The following RASAL1 variants were observed in gnomAD, a reference collection of about 807,000 sequenced individuals.
The protein encoded by RASAL1 is RAS protein activator like 1.
A neutral mutation model predicts 96.6 loss-of-function variants in RASAL1; 72 were observed. That is an observed-to-expected ratio of 0.75 (90% CI 0.62 to 0.91). The LOEUF is 0.91. RASAL1 is among the 40% of genes least tolerant of loss of function. RASAL1 has a pLI of 0.00. For synonymous variants in RASAL1, 405 were observed against 430.4 expected (o/e 0.94, Z 0.73); for missense variants, 1,016 against 1,072.5 (o/e 0.95, Z 0.74).
rs556416383 is a variant in RASAL1 at position 113,115,957 on chromosome 12, C to A, written c.826G>T (p.Glu276Ter). The change falls in exon 9 of 21, where the codon GAG becomes TAG. Residue 276 changes from glutamate (E) to a stop codon, truncating the protein, a stop_gained. Coordinates refer to ENST00000548055, the MANE Select transcript of RASAL1 (RefSeq NM_001301202.2). LOFTEE classifies it high-confidence loss of function. The surrounding 1 kb of genome is among the most constrained non-coding windows in gnomAD (Gnocchi z 4.1). ...CYQPLMELLM[E>*]SVQGPAEEDT... ...ACCTCTGCTGGCCCCTGCACAGACT[C>A]CATGAGCAGCTCCATGAGAGGCTGG... The A allele has an allele frequency of 5.6e-6, 9 of 1,607,530 alleles. No homozygotes were observed. Among genetic ancestry groups the A allele is most frequent in the Middle Eastern group, 3.3e-4 (2 of 6,030 alleles).
intron 4 of RASAL1, among the ~76,000 whole-genome samples, chr12:113,123,274 T>A (rs1312376845): frequency 2.0e-5 from 3 of 152,252 alleles, no homozygotes; most frequent in African/African-American, 7.2e-5. Flanking sequence ...TGCTGACTAT[T>A]GCCCATGGTG....
At chr12:113,107,026 A>G in intron 15 of RASAL1, 71 bp downstream of exon 15, 1 of 1,472,718 alleles carries the variant, frequency 6.8e-7, no homozygotes, top group South Asian at 1.3e-5. Flanking sequence ...CTGGAGGGGG[A>G]AAGGGGAAGT....
rs1487918389 is a variant in RASAL1 at position 113,114,827 on chromosome 12, G to A, written c.1154C>T (p.Pro385Leu). 4.3e-6 allele frequency: 7 copies of A among 1,613,994 alleles called. No homozygotes were observed. The highest frequency in any genetic ancestry group is 5.1e-6 in the Non-Finnish European group (6 of 1,179,982). Residue 385 changes from proline (P) to leucine (L), a missense_variant, in exon 12 of 21, where the codon CCC (proline) becomes CTC (leucine). Pro to Leu is a moderately conservative substitution (Grantham distance 98). Transcript: ENST00000548055. ...GGTGCGGCCCAGGTCCATCTTGCAGGGATCCAGCTCCATGTACTTCTTCTC... is the reference window on the plus strand; with the variant it reads ...GGTGCGGCCCAGGTCCATCTTGCAGAGATCCAGCTCCATGTACTTCTTCTC... ...FEEKKYMELDPCKMDLGRTRR... is the reference protein window; with the variant it reads ...FEEKKYMELDLCKMDLGRTRR...
chr12:113,124,416 C>T (rs1220736186), intron 4 of RASAL1, among the ~76,000 whole-genome samples: 1 of 152,150 alleles, frequency 6.6e-6, no homozygotes, highest in African/African-American at 2.4e-5. Flanking sequence ...CTTGCAGACA[C>T]ATGGACACGT....
rs1951564481 is a variant in RASAL1, at chr12:113,128,195, A to G, written c.123-17T>C. 1.3e-6 allele frequency: 2 copies of G among 1,586,956 alleles called. No homozygotes were observed. Among genetic ancestry groups the G allele is most frequent in the South Asian group, 1.1e-5 (1 of 90,496 alleles). The stretch of plus-strand genomic sequence containing the variant: ...GTAGCTGTCCTGCAAAAGGAGGTGC[A>G]GGGGGCTGGGGTCCTCGGGCCACAC... On this transcript the variant is annotated splice_polypyrimidine_tract_variant and intron_variant, in intron 2 of 20. Coordinates refer to ENST00000548055, the MANE Select transcript of RASAL1 (RefSeq NM_001301202.2).
chr12:113,104,034 G>T lies in RASAL1; in HGVS notation c.2016C>A (p.Ser672Arg), dbSNP rs538274111. The T allele has an allele frequency of 8.3e-6, 13 of 1,572,888 alleles. No homozygotes were observed. The highest frequency in any genetic ancestry group is 1.1e-5 in the Non-Finnish European group (13 of 1,157,332). ...CGGCCAGCTTGTTCGGGTTGGGGGCGCTGGCCTTGCGCAAGGCCGAGAGCC... is the reference window on the plus strand; with the variant it reads ...CGGCCAGCTTGTTCGGGTTGGGGGCTCTGGCCTTGCGCAAGGCCGAGAGCC... ...NQWLSALRKA[S>R]APNPNKLAAC... Residue 672 changes from serine (S) to arginine (R), a missense_variant, in exon 18 of 21, where the codon AGC becomes AGA. Ser to Arg is a moderately radical substitution (Grantham distance 110). Coordinates refer to ENST00000548055, the MANE Select transcript of RASAL1 (RefSeq NM_001301202.2).
In RASAL1 at chr12:113,099,799, G is replaced by T; in HGVS notation, c.*130C>A. On this transcript the variant is annotated 3_prime_UTR_variant, in exon 21 of 21. Transcript: ENST00000548055. Reference sequence around the variant, plus strand: ...CTGGACTCAAGGCACACAGGACTAGGCACGTCTCTGGGAGCCTCCAAACCA... The same window carrying T: ...CTGGACTCAAGGCACACAGGACTAGTCACGTCTCTGGGAGCCTCCAAACCA... The T allele has an allele frequency of 7.5e-7, 1 of 1,329,392 alleles. No individual in the cohort carries two copies. Among genetic ancestry groups the T allele is most frequent in the Non-Finnish European group, 1.0e-6 (1 of 971,584 alleles). 82.3% of individuals were successfully genotyped at this position (1,329,392 alleles called of 1,614,324 possible).
In RASAL1 at chr12:113,100,063, A is replaced by G; in HGVS notation, c.2284T>C (p.Cys762Arg). The G allele has an allele frequency of 4.4e-6, 7 of 1,604,380 alleles. No individual in the cohort carries two copies. The highest frequency in any genetic ancestry group is 6.0e-6 in the Non-Finnish European group (7 of 1,174,698). ...CTTTGCCGGGCCAGGACCTCAGGACAGGCCCCTAGGAGGGAGACAAGAGGC... is the reference window on the plus strand; with the variant it reads ...CTTTGCCGGGCCAGGACCTCAGGACGGGCCCCTAGGAGGGAGACAAGAGGC... ...DTTLEADTGA[C>R]PEVLARQRAA... Residue 762 changes from cysteine (C) to arginine (R), a missense_variant, in exon 21 of 21, where the codon TGT becomes CGT. Cys to Arg is a radical substitution (Grantham distance 180). Coordinates refer to ENST00000548055, the MANE Select transcript of RASAL1 (RefSeq NM_001301202.2).
chr12:113,109,531 G>T (rs780294343), intron 13 of RASAL1, among the ~76,000 whole-genome samples: 16 of 152,138 alleles, frequency 1.1e-4, no homozygotes, highest in Non-Finnish European at 1.9e-4. Flanking sequence ...CTCAGGGAAG[G>T]GTGCCCCTCC....
chr12:113,126,279 C>T (rs769143939), intron 4 of RASAL1, among the ~76,000 whole-genome samples: 6 of 151,630 alleles, frequency 4.0e-5, no homozygotes, highest in Non-Finnish European at 7.4e-5. Context: ...AGCAAGACTC[C>T]GTCTCAAAAA....
chr12:113,105,968 G>A (rs1950631764), intron 15 of RASAL1, 82 bp from the exon 16 acceptor site: 2 of 1,402,468 alleles, frequency 1.4e-6, no homozygotes, highest in Non-Finnish European at 1.9e-6. Flanking sequence ...GCCCAGGGAG[G>A]ACCTCAGTGG....
chr12:113,131,068 C>A (rs1592965640), intron 1 of RASAL1, 127 bp from the exon 2 acceptor site: 1 of 656,622 alleles, frequency 1.5e-6, no homozygotes, highest in East Asian at 2.7e-5. Context: ...CAGGGTCACA[C>A]AGCAAGTCCA....
intron 12 of RASAL1, among the ~76,000 whole-genome samples, chr12:113,112,958 T>TAAAA (rs2136163141): frequency 6.6e-6 from 1 of 151,538 alleles, no homozygotes; most frequent in African/African-American, 2.4e-5. Context: ...TCTCAAAAAA[T>TAAAA]AAATAAATAA....
intron 4 of RASAL1, among the ~76,000 whole-genome samples, chr12:113,127,415 G>T (rs1951525235): frequency 1.3e-5 from 2 of 152,180 alleles, no homozygotes; most frequent in Admixed American, 1.3e-4. Flanking sequence ...GGAGGCCAAG[G>T]TGGGAGGATT....
intron 7 of RASAL1, among the ~76,000 whole-genome samples, chr12:113,117,583 C>T (rs562531888): frequency 6.6e-6 from 1 of 152,318 alleles, no homozygotes; most frequent in East Asian, 1.9e-4. Flanking sequence ...ACGTAATTCA[C>T]ATCCTAAACA....
At chr12:113,113,881 C>T (rs1950962903) in intron 12 of RASAL1, among the ~76,000 whole-genome samples, 1 of 152,194 alleles carries the variant, frequency 6.6e-6, no homozygotes, top group Admixed American at 6.5e-5. Context: ...CCACGATCTC[C>T]CTTGCAGGCA....
upstream of RASAL1, chr12:113,135,860 G>C (rs1409265596): frequency 5.4e-6 from 1 of 184,632 alleles, no homozygotes; most frequent in Admixed American, 5.7e-5. The surrounding 1 kb of genome is among the most constrained non-coding windows in gnomAD (Gnocchi z 5.7). Context: ...GCCCTCTACC[G>C]GCACCCCAGT....
Position 113,127,879 on chromosome 12 carries a change from G to C in RASAL1, c.237-6C>G, listed in dbSNP as rs370191767. 61 of 1,612,942 alleles carry C rather than the reference G, an allele frequency of 3.8e-5. No individual in the cohort carries two copies. The highest frequency in any genetic ancestry group is 4.9e-5 in the Non-Finnish European group (58 of 1,179,194). On this transcript the variant is annotated splice_polypyrimidine_tract_variant and splice_region_variant and intron_variant, in intron 3 of 20. Coordinates refer to ENST00000548055, the MANE Select transcript of RASAL1 (RefSeq NM_001301202.2). ...TGCCGATGATGTCGTCGTGCCTGCA[G>C]GAAGGCGGGCACGTGAAGGTCTGAG...
chr12:113,136,586 TA>T (rs1234501419), upstream of RASAL1, among the ~76,000 whole-genome samples: 2 of 152,370 alleles, frequency 1.3e-5, no homozygotes, highest in South Asian at 2.1e-4. Context: ...TGCCATTTGG[TA>T]GCTGTCTGGA....
Sources: gnomAD v4.1 joint callset for allele counts (sites outside exome capture counted in the v4.1 genomes callset) on GRCh38, gnomAD v4.1.1 for gene constraint, Gnocchi (gnomAD v3.1) non-coding constraint, MANE v1.5 for transcripts, NCBI Gene and HGNC (gene_info 2026-07-23, HGNC 2026-07-21) for gene names.